Variants in FAM161B observed in about 807,000 individuals in gnomAD.
The protein encoded by FAM161B is FAM161 centrosomal protein B, also known as protein FAM161B.
FAM161B carries 46 observed loss-of-function variants against 61.5 expected under a neutral mutation model. That is an observed-to-expected ratio of 0.75 (90% CI 0.59 to 0.96). The LOEUF (loss-of-function observed/expected upper bound fraction) is 0.96, where lower values mean the gene tolerates loss of function less well. FAM161B is among the 40% of genes least tolerant of loss of function. The pLI is 0.00. For missense variants in FAM161B, 774 were observed against 800.7 expected (o/e 0.97, Z 0.40); for synonymous variants, 284 against 302.7 (o/e 0.94, Z 0.64).
rs913204695 is a variant in FAM161B, at chr14:73,949,987, C to T, written c.40G>A (p.Glu14Lys). ...GRPEGAPGGAEGSRQIFPPES... is the reference protein window; with the variant it reads ...GRPEGAPGGAKGSRQIFPPES... ...TCTCTCCTCACCTGACGGCTCCCCT[C>T]CGCGCCTCCGGGGGCTCCCTCAGGC... The change falls in exon 1 of 9, where the codon GAG becomes AAG. Residue 14 changes from glutamate to lysine, a missense_variant. Physicochemically the swap from Glu to Lys is moderately conservative, Grantham distance 56. Coordinates refer to ENST00000286544, the MANE Select transcript of FAM161B (RefSeq NM_152445.3). The T allele has an allele frequency of 6.2e-7, 1 of 1,613,556 alleles. No individual in the cohort carries two copies. Among genetic ancestry groups the T allele is most frequent in the African/African-American group, 1.3e-5 (1 of 75,052 alleles).
At position 73,935,378 on chromosome 14, in the gene FAM161B, AT is replaced by A. The variant is rs2140341533; in HGVS notation, c.1805+570del. Among the ~76,000 whole-genome samples, 2 of 151,996 alleles carry A rather than the reference AT, an allele frequency of 1.3e-5. 1 individual carries two copies. Among genetic ancestry groups the A allele is most frequent in the South Asian group, 4.2e-4 (2 of 4,788 alleles). On this transcript the variant is annotated intron_variant, in intron 8 of 8. Transcript: ENST00000286544. ...CCGTCTCTACTAAAAATACACAAAAATTAGCCAGGCGTGATGGCGGGAGCCT... is the reference window on the plus strand; with the variant it reads ...CCGTCTCTACTAAAAATACACAAAAATAGCCAGGCGTGATGGCGGGAGCCT...
chr14:73,946,571 G>A lies in FAM161B; in HGVS notation c.89C>T (p.Ala30Val), dbSNP rs541795517. 1.1e-5 allele frequency: 18 copies of A among 1,613,994 alleles called. No homozygotes were observed. The South Asian group carries it at 1.8e-4, about 16-fold the overall frequency. Residue 30 changes from alanine to valine, a missense_variant, in exon 2 of 9, where the codon GCA becomes GTA. Coordinates refer to ENST00000286544, the MANE Select transcript of FAM161B (RefSeq NM_152445.3). The stretch of plus-strand genomic sequence containing the variant: ...CCCATCCCCGGACAGCTCCTCTCCT[G>A]CCTCTGTGTCTGCGAAGGACTCGGG... ...FPPESFADTE[A>V]GEELSGDGLV...
At position 73,944,866 on chromosome 14, in the gene FAM161B, A is replaced by G. The variant is rs552118430; in HGVS notation, c.394T>C (p.Cys132Arg). ...GAGGGAAGGTTGTTCAGGGAGCTGCAGCGCCTTGTGGAGCCACACCTGGGA... is the reference window on the plus strand; with the variant it reads ...GAGGGAAGGTTGTTCAGGGAGCTGCGGCGCCTTGTGGAGCCACACCTGGGA... ...QALRCGSTRR[C>R]SSLNNLPSNI... Residue 132 changes from cysteine to arginine, a missense_variant, in exon 3 of 9, where the codon TGC becomes CGC. By Grantham distance (180) the Cys-to-Arg change is radical. Transcript: ENST00000286544. 1.3e-6 allele frequency: 2 copies of G among 1,521,388 alleles called. No homozygotes were observed. Among genetic ancestry groups the G allele is most frequent in the African/African-American group, 2.8e-5 (2 of 72,032 alleles). 94.2% of individuals were successfully genotyped at this position (1,521,388 alleles called of 1,614,324 possible). A position where few individuals can be genotyped will look rare whatever the true frequency, so the allele number is the denominator to read the frequency against.
Position 73,950,016 on chromosome 14 carries a change from C to G in FAM161B, c.11G>C (p.Gly4Ala), listed in dbSNP as rs764313493. 2 of 1,612,828 alleles carry G rather than the reference C, an allele frequency of 1.2e-6. No homozygotes were observed. The highest frequency in any genetic ancestry group is 1.7e-6 in the Non-Finnish European group (2 of 1,180,016). ...GCCTCCGGGGGCTCCCTCAGGCCTC[C>G]CCACGGTCATTTCAGCTGGACAGAG... MTV[G>A]RPEGAPGGAE... Residue 4 changes from glycine (G) to alanine (A), a missense_variant, in exon 1 of 9, where the codon GGG becomes GCG. Gly to Ala is a moderately conservative substitution (Grantham distance 60). Coordinates refer to ENST00000286544, the MANE Select transcript of FAM161B (RefSeq NM_152445.3).
chr14:73,938,495 G>A (rs566673891), intron 5 of FAM161B, among the ~76,000 whole-genome samples: 2 of 149,814 alleles, frequency 1.3e-5, no homozygotes, highest in East Asian at 2.0e-4. Context: ...TAAAATAGCC[G>A]GGCATGGTGG....
intron 7 of FAM161B, among the ~76,000 whole-genome samples, chr14:73,937,265 T>G (rs944359068): frequency 3.9e-5 from 6 of 152,070 alleles, no homozygotes; most frequent in Admixed American, 6.6e-5. Flanking sequence ...TTTCCAGCAC[T>G]GTGAACAGTG....
chr14:73,926,180 A>G, the FAM161B span, among the ~76,000 whole-genome samples: 2 of 152,232 alleles, frequency 1.3e-5, no homozygotes, highest in African/African-American at 4.8e-5. Context: ...TGCCTCTAAC[A>G]AGATACAATA....
chr14:73,949,930 T>C, intron 1 of FAM161B, 43 bp downstream of exon 1: 1 of 1,609,734 alleles, frequency 6.2e-7, no homozygotes, highest in Non-Finnish European at 8.5e-7. Flanking sequence ...CAGTTTCCTC[T>C]CCGGGATTCC....
chr14:73,937,573 A>G lies in FAM161B; in HGVS notation c.1665+29T>C, dbSNP rs762882004. Reference sequence around the variant, plus strand: ...TTCAGAGTCCTTTTATCTAAGGCAGAAAGAAAACAAATGATGGTTTAGTTT... The same window carrying G: ...TTCAGAGTCCTTTTATCTAAGGCAGGAAGAAAACAAATGATGGTTTAGTTT... On this transcript the variant is annotated intron_variant, in intron 7 of 8. Coordinates refer to ENST00000286544, the MANE Select transcript of FAM161B (RefSeq NM_152445.3). 7 of 1,592,390 alleles carry G rather than the reference A, an allele frequency of 4.4e-6. No individual in the cohort carries two copies. In the South Asian group the frequency reaches 8.1e-5, roughly 18 times the overall value.
rs944434459 is a variant in FAM161B, at chr14:73,937,544, A to T, written c.1665+58T>A. The stretch of plus-strand genomic sequence containing the variant: ...ACCCACATATTAAAATTGTTTTGTA[A>T]TTTTTCAGAGTCCTTTTATCTAAGG... On this transcript the variant is annotated intron_variant, in intron 7 of 8. Coordinates refer to ENST00000286544, the MANE Select transcript of FAM161B (RefSeq NM_152445.3). 3.3e-6 allele frequency: 5 copies of T among 1,516,798 alleles called. No individual in the cohort carries two copies. The African/African-American group carries it at 5.6e-5, about 17-fold the overall frequency. 94.0% of individuals were successfully genotyped at this position (1,516,798 alleles called of 1,614,324 possible).
intron 5 of FAM161B, among the ~76,000 whole-genome samples, chr14:73,938,589 T>A (rs553061838): frequency 5.3e-5 from 8 of 150,590 alleles, no homozygotes; most frequent in South Asian, 4.2e-4. Flanking sequence ...TGGCTAACAC[T>A]GTGAAACCCC....
chr14:73,931,444 A>G, downstream of FAM161B: 1 of 1,485,084 alleles, frequency 6.7e-7, no homozygotes, highest in South Asian at 1.2e-5. Context: ...TTTACTATGA[A>G]TTATTTTTTC....
intron 3 of FAM161B, 31 bp from the exon 4 acceptor site, chr14:73,942,746 A>G: frequency 6.3e-7 from 1 of 1,585,506 alleles, no homozygotes; most frequent in Middle Eastern, 1.7e-4. Flanking sequence ...TGGGTAAGAA[A>G]GGACCAAGCA....
rs1289508011 is a variant in FAM161B, at chr14:73,942,435, CAAG to C, written c.1203_1205del (p.Phe401del). ...GGTGGCGCAGGTTGGCGGTCCTCAG[CAAG>C]AAGGGCTTGTTGCGAGTGGCCTCTT... On this transcript the variant is annotated inframe_deletion, in exon 4 of 9. Transcript: ENST00000286544. The C allele has an allele frequency of 1.2e-6, 2 of 1,614,200 alleles. No individual in the cohort carries two copies. Among genetic ancestry groups the C allele is most frequent in the African/African-American group, 1.3e-5 (1 of 75,042 alleles).
chr14:73,930,420 C>T (rs2140336094), downstream of FAM161B, among the ~76,000 whole-genome samples: 1 of 152,288 alleles, frequency 6.6e-6, no homozygotes, highest in African/African-American at 2.4e-5. Context: ...CCCTCAGCCT[C>T]CCAAAGTGGT....
the FAM161B span, chr14:73,923,399 G>A: frequency 6.2e-7 from 1 of 1,612,740 alleles, no homozygotes; most frequent in East Asian, 2.2e-5. Context: ...TCACAGAGGT[G>A]CTTGCTGAAG....
chr14:73,934,160 G>T lies in FAM161B; in HGVS notation c.*96C>A. ...CTCTTCATTTGTCCATCCTCTAACA[G>T]TAGCCATGACTCAAAACCCAAGTTT... On this transcript the variant is annotated 3_prime_UTR_variant, in exon 9 of 9. Transcript: ENST00000286544. 1 of 1,431,988 alleles carries T rather than the reference G, an allele frequency of 7.0e-7. No homozygotes were observed. The highest frequency in any genetic ancestry group is 9.5e-7 in the Non-Finnish European group (1 of 1,050,474). The allele number at this position is 1,431,988 out of a possible 1,614,324, so 88.7% of individuals were successfully genotyped here. A position where few individuals can be genotyped will look rare whatever the true frequency, so the allele number is the denominator to read the frequency against.
chr14:73,941,456 A>T (rs1284194981), intron 4 of FAM161B, among the ~76,000 whole-genome samples: 1 of 152,116 alleles, frequency 6.6e-6, no homozygotes, highest in Non-Finnish European at 1.5e-5. Flanking sequence ...GCTTCACTGA[A>T]GGACTGAAAA....
Position 73,944,702 on chromosome 14 carries a change from G to A in FAM161B, c.558C>T (p.Ala186=), listed in dbSNP as rs138157864. 118 of 1,606,434 alleles carry A rather than the reference G, an allele frequency of 7.3e-5. 1 individual carries two copies. The African/African-American group carries it at 8.4e-4, about 11-fold the overall frequency. ...RMTLREARKK[A]EWLGSPASFE... ...AGGAGGCAGGTGAGCCCAGCCACTC[G>A]GCCTTCTTCCGGGCCTCGCGCAGCG... The change falls in exon 3 of 9, where the codon GCC becomes GCT. Residue 186 remains alanine, a synonymous_variant. Transcript: ENST00000286544.
Sources: gnomAD v4.1 joint callset for allele counts (sites outside exome capture counted in the v4.1 genomes callset) on GRCh38, gnomAD v4.1.1 for gene constraint, MANE v1.5 for transcripts, NCBI Gene and HGNC (gene_info 2026-07-23, HGNC 2026-07-21) for gene names.